DNM3: variants seen among roughly 807,000 people sequenced by gnomAD.
DNM3 encodes the protein dynamin 3.
DNM3 carries 47 observed loss-of-function variants against 101.6 expected under a neutral mutation model. The ratio of observed to expected loss-of-function variants is 0.46; its 90% confidence interval spans 0.37 to 0.59. The LOEUF is 0.59. Ranked by LOEUF, DNM3 falls within the 20% of genes least tolerant of loss-of-function variation. The probability of loss-of-function intolerance (pLI) is 0.00; values close to 1 mark genes in which losing one functional copy is unlikely to be tolerated. For missense variants in DNM3, 849 were observed against 1,085.7 expected (o/e 0.78, Z 3.06); for synonymous variants, 385 against 387.9 (o/e 0.99, Z 0.09).
At position 172,353,445 on chromosome 1, in the gene DNM3, T is replaced by G. The variant is rs532572662; in HGVS notation, c.1894-25573T>G. Among the ~76,000 whole-genome samples, 135 of 152,164 alleles carry G rather than the reference T, an allele frequency of 8.9e-4. 1 individual carries two copies. The highest frequency in any genetic ancestry group is 1.6e-3 in the Non-Finnish European group (106 of 68,020). ...AAGCTAAGGGTTTTTCTTCAGAGCTTTTATTCATTTTTGTATCTAATGTTG... is the reference window on the plus strand; with the variant it reads ...AAGCTAAGGGTTTTTCTTCAGAGCTGTTATTCATTTTTGTATCTAATGTTG... On this transcript the variant is annotated intron_variant, in intron 17 of 20. Transcript: ENST00000627582.
At chr1:172,338,865 T>C (rs760435244) in intron 17 of DNM3, 1 of 466,488 alleles carries the variant, frequency 2.1e-6, no homozygotes, top group Non-Finnish European at 4.3e-6. Context: ...AGAATGAAAG[T>C]GCATCTGAAC....
intron 2 of DNM3, among the ~76,000 whole-genome samples, chr1:171,929,810 T>C (rs958145134): frequency 1.3e-5 from 2 of 152,082 alleles, no homozygotes; most frequent in East Asian, 1.9e-4. Flanking sequence ...AGAAACAGCA[T>C]TGGGGATCCT....
chr1:172,068,006 C>T (rs548768890), intron 10 of DNM3, among the ~76,000 whole-genome samples: 25 of 152,274 alleles, frequency 1.6e-4, no homozygotes, highest in Admixed American at 1.2e-3. Context: ...AGTTACTTAA[C>T]CTCTCTGTGC....
chr1:172,083,508 C>G (rs928111559), intron 12 of DNM3, among the ~76,000 whole-genome samples: 9 of 152,018 alleles, frequency 5.9e-5, no homozygotes, highest in Non-Finnish European at 1.0e-4. Flanking sequence ...TAGGTTCTTA[C>G]AAAAATGTAG....
intron 17 of DNM3, among the ~76,000 whole-genome samples, chr1:172,362,516 C>T (rs868626897): frequency 1.3e-5 from 2 of 152,020 alleles, no homozygotes; most frequent in African/African-American, 4.8e-5. Context: ...TCCTGTACAG[C>T]ATACTGAATC....
chr1:171,980,739 C>G (rs2044727370), intron 2 of DNM3, among the ~76,000 whole-genome samples: 1 of 147,538 alleles, frequency 6.8e-6, no homozygotes, highest in Non-Finnish European at 1.5e-5. Flanking sequence ...CCAAAGTATT[C>G]TGCTTTAAAG....
intron 1 of DNM3, among the ~76,000 whole-genome samples, chr1:171,853,604 TC>T (rs1209538077): frequency 6.6e-6 from 1 of 152,228 alleles, no homozygotes; most frequent in African/African-American, 2.4e-5. Flanking sequence ...TTTAAAATCT[TC>T]CTATATCTAA....
rs35033942 is a variant in DNM3 at position 171,980,767 on chromosome 1, A to ATTT, written c.236-6870_236-6868dup. ...CTTTAAAGAAGAAAGAAATCTACAG[A>ATTT]TTTTTTTTTTTTTTTTTTTTTGAGA... On this transcript the variant is annotated intron_variant, in intron 2 of 20. Transcript: ENST00000627582. 3.2e-3 allele frequency among the ~76,000 whole-genome samples: 351 copies of ATTT among 110,242 alleles called. 9 individuals are homozygous for ATTT. The highest frequency in any genetic ancestry group is 0.011 in the African/African-American group (336 of 30,252). 72.3% of individuals were successfully genotyped at this position (110,242 alleles called of 152,430 possible). A position where few individuals can be genotyped will look rare whatever the true frequency, so the allele number is the denominator to read the frequency against.
At position 171,956,421 on chromosome 1, in the gene DNM3, C is replaced by T. The variant is rs1401140285; in HGVS notation, c.236-31235C>T. On this transcript the variant is annotated intron_variant, in intron 2 of 20. Coordinates refer to ENST00000627582, the MANE Select transcript of DNM3 (RefSeq NM_015569.5). ...TCAAATCTTAAAGCTCCAAAATGATCTCCTTTGACTCCATGTCTCACATCC... is the reference window on the plus strand; with the variant it reads ...TCAAATCTTAAAGCTCCAAAATGATTTCCTTTGACTCCATGTCTCACATCC... Among the ~76,000 whole-genome samples, 6 of 152,168 alleles carry T rather than the reference C, an allele frequency of 3.9e-5. No homozygotes were observed. The East Asian group carries it at 1.2e-3, about 29-fold the overall frequency.
intron 14 of DNM3, among the ~76,000 whole-genome samples, chr1:172,229,316 A>G (rs2061248226): frequency 6.6e-6 from 1 of 152,218 alleles, no homozygotes; most frequent in Admixed American, 6.6e-5. Context: ...ATTGTGTAAT[A>G]GGAAAAACAG....
At position 171,903,141 on chromosome 1, in the gene DNM3, C is replaced by T. The variant is rs150196096; in HGVS notation, c.162-18607C>T. 2.3e-3 allele frequency among the ~76,000 whole-genome samples: 352 copies of T among 151,348 alleles called. 4 individuals carry two copies. Among genetic ancestry groups the T allele is most frequent in the East Asian group, 0.016 (83 of 5,154 alleles). ...CTATACTTAAGCCTGGGTGACAGAG[C>T]GAGACCCTGTCTCAAAAAATATATA... On this transcript the variant is annotated intron_variant, in intron 1 of 20. Coordinates refer to ENST00000627582, the MANE Select transcript of DNM3 (RefSeq NM_015569.5).
intron 14 of DNM3, among the ~76,000 whole-genome samples, chr1:172,253,193 T>C (rs1462283242): frequency 6.6e-6 from 1 of 152,090 alleles, no homozygotes; most frequent in Non-Finnish European, 1.5e-5. Flanking sequence ...AAAGTCTTAA[T>C]ATCAAACTAA....
intron 11 of DNM3, among the ~76,000 whole-genome samples, chr1:172,069,748 G>T (rs949567254): frequency 6.6e-6 from 1 of 152,180 alleles, no homozygotes; most frequent in Non-Finnish European, 1.5e-5. Flanking sequence ...TCATGTTCTT[G>T]TGTAAATCAC....
intron 10 of DNM3, among the ~76,000 whole-genome samples, chr1:172,054,682 G>T (rs2050451023): frequency 6.6e-6 from 1 of 152,288 alleles, no homozygotes; most frequent in East Asian, 1.9e-4. Context: ...GAAAGGGCCA[G>T]GCGAGGTGGC....
At chr1:172,047,853 A>G (rs901885119) in intron 9 of DNM3, among the ~76,000 whole-genome samples, 3 of 152,190 alleles carry the variant, frequency 2.0e-5, no homozygotes, top group Admixed American at 6.5e-5. Context: ...GGGAGGACCC[A>G]GTGCCAAAGC....
intron 17 of DNM3, among the ~76,000 whole-genome samples, chr1:172,324,339 C>T (rs2065855476): frequency 6.6e-6 from 1 of 152,098 alleles, no homozygotes; most frequent in Admixed American, 6.5e-5. Context: ...ATAAGCCATA[C>T]ATATAGAATG....
At chr1:172,113,846 TGTGA>T (rs2055691564) in intron 13 of DNM3, among the ~76,000 whole-genome samples, 1 of 152,156 alleles carries the variant, frequency 6.6e-6, no homozygotes, top group Non-Finnish European at 1.5e-5. Context: ...ACAAATTTAT[TGTGA>T]GTGTCTTTTC....
At chr1:172,341,804 T>C (rs1294520581) in intron 17 of DNM3, among the ~76,000 whole-genome samples, 2 of 152,184 alleles carry the variant, frequency 1.3e-5, no homozygotes, top group Non-Finnish European at 2.9e-5. Context: ...GCGATACCAT[T>C]CTGGACATAG....
chr1:172,295,092 A>G (rs905505040), intron 15 of DNM3, among the ~76,000 whole-genome samples: 10 of 152,158 alleles, frequency 6.6e-5, no homozygotes, highest in African/African-American at 2.4e-4. Context: ...TTGAAAATCT[A>G]TCAGTGACCA....
Sources: gnomAD v4.1 joint callset for allele counts (sites outside exome capture counted in the v4.1 genomes callset) on GRCh38, gnomAD v4.1.1 for gene constraint, MANE v1.5 for transcripts, NCBI Gene and HGNC (gene_info 2026-07-23, HGNC 2026-07-21) for gene names.